FBXO27: variants seen among roughly 807,000 people sequenced by gnomAD.
The protein encoded by FBXO27 is F-box only protein 27.
Under a neutral mutation model 28.3 loss-of-function variants are expected in FBXO27, and 28 were observed. The observed-to-expected ratio is 0.99, with a 90% CI of 0.73 to 1.36. The LOEUF is 1.36. FBXO27 is among the 40% of genes most tolerant of loss of function. The pLI is 0.00. For synonymous variants in FBXO27, 175 were observed against 167.3 expected, an observed-to-expected ratio of 1.05 and a Z score of -0.36; for missense variants, 388 against 394.1, an observed-to-expected ratio of 0.98 and a Z score of 0.13.
At chr19:39,013,123 A>T (rs1278210553) in intron 2 of FBXO27, among the ~76,000 whole-genome samples, 1 of 152,128 alleles carries the variant, frequency 6.6e-6, no homozygotes, top group Admixed American at 6.6e-5. Context: ...CTGCCTTCCT[A>T]AGGTGTGTGT....
intron 2 of FBXO27, among the ~76,000 whole-genome samples, chr19:39,006,965 TG>T (rs1433542245): frequency 7.2e-6 from 1 of 139,048 alleles, no homozygotes; most frequent in Non-Finnish European, 1.5e-5. Context: ...CACAGCTCCT[TG>T]GGAGGCTGAG....
Position 39,012,723 on chromosome 19 carries a change from C to T in FBXO27, c.252+1664G>A, listed in dbSNP as rs148218923. ...CTGTAATGCTAGCACTTTGGGAGGC[C>T]GAGGAGGCCGGATCACCTGAGGTTG... On this transcript the variant is annotated intron_variant, in intron 2 of 2. Transcript: ENST00000598394. 1.2e-4 allele frequency among the ~76,000 whole-genome samples: 18 copies of T among 151,552 alleles called. No homozygotes were observed. The East Asian group carries it at 2.9e-3, about 25-fold the overall frequency.
chr19:39,021,969 A>AT (rs1413397067), downstream of FBXO27, among the ~76,000 whole-genome samples: 1 of 151,814 alleles, frequency 6.6e-6, no homozygotes, highest in East Asian at 1.9e-4. Flanking sequence ...CTATCCTCAG[A>AT]TTTTTAACAG....
rs190904926 is a variant in FBXO27, at chr19:39,025,080, G to A, written c.*331C>T. ...GTACAGAGGGGCCTGGGGCTGGATC[G>A]GAGGGTTTTGGTTGGGAGGAGAAGA... On this transcript the variant is annotated 3_prime_UTR_variant, in exon 6 of 6. Coordinates refer to ENST00000292853, the MANE Select transcript of FBXO27 (RefSeq NM_178820.5). 4.8e-4 allele frequency: 126 copies of A among 260,686 alleles called. No individual in the cohort carries two copies. Among genetic ancestry groups the A allele is most frequent in the African/African-American group, 2.3e-3 (108 of 46,060 alleles). 16.1% of individuals were successfully genotyped at this position (260,686 alleles called of 1,614,324 possible). A position where few individuals can be genotyped will look rare whatever the true frequency, so the allele number is the denominator to read the frequency against.
intron 2 of FBXO27, among the ~76,000 whole-genome samples, chr19:39,009,349 C>T (rs2144879665): frequency 6.6e-6 from 1 of 152,250 alleles, no homozygotes. Context: ...CTACGTTTAG[C>T]TTTTTGAAGA....
chr19:39,012,694 A>G (rs1330314498), intron 2 of FBXO27, among the ~76,000 whole-genome samples: 3 of 151,820 alleles, frequency 2.0e-5, no homozygotes, highest in African/African-American at 7.3e-5. Context: ...ACGATTGCTC[A>G]TGCCTGTAAT....
chr19:39,030,789 G>A, intron 4 of FBXO27: 1 of 531,474 alleles, frequency 1.9e-6, no homozygotes, highest in Non-Finnish European at 3.4e-6. Flanking sequence ...TGTATTTTTA[G>A]TAGAGACGAG....
chr19:39,031,499 C>T, intron 2 of FBXO27, 179 bp from the exon 3 acceptor site: 1 of 624,292 alleles, frequency 1.6e-6, no homozygotes, highest in South Asian at 2.0e-5. Context: ...GCTCCTCTGG[C>T]CCTTCTCACT....
chr19:39,009,566 T>C (rs2072784853), intron 2 of FBXO27, among the ~76,000 whole-genome samples: 1 of 152,222 alleles, frequency 6.6e-6, no homozygotes, highest in Non-Finnish European at 1.5e-5. Context: ...CGTCTTTTCA[T>C]GTACTTACCG....
intron 1 of FBXO27, among the ~76,000 whole-genome samples, chr19:39,018,787 A>G (rs1283475222): frequency 6.6e-6 from 1 of 152,146 alleles, no homozygotes; most frequent in Non-Finnish European, 1.5e-5. Flanking sequence ...GAAAATGCAA[A>G]GCCAGGTGTG....
intron 4 of FBXO27, among the ~76,000 whole-genome samples, chr19:39,028,000 G>A (rs1274090321): frequency 1.3e-5 from 2 of 151,954 alleles, no homozygotes; most frequent in African/African-American, 4.8e-5. Context: ...CAACACTTTG[G>A]GAGGCCGAGG....
At chr19:39,030,604 A>C (rs904721600) in intron 4 of FBXO27, 1 of 169,972 alleles carries the variant, frequency 5.9e-6, no homozygotes, top group Non-Finnish European at 1.2e-5. Flanking sequence ...CACCTCCCTG[A>C]ACTTCAGTTT....
At chr19:39,006,553 C>G (rs1342272053) in intron 2 of FBXO27, among the ~76,000 whole-genome samples, 1 of 151,934 alleles carries the variant, frequency 6.6e-6, no homozygotes, top group African/African-American at 2.4e-5. Context: ...GAGCGAAACT[C>G]CTTCTCAAAA....
At position 39,031,252 on chromosome 19, in the gene FBXO27, C is replaced by A; in HGVS notation, c.433G>T (p.Val145Leu). ...GWVVEENRTTVPGAPSQTCFV... is the reference protein window; with the variant it reads ...GWVVEENRTTLPGAPSQTCFV... ...CACGTCTGAGAAGGGGCCCCAGGCA[C>A]GGTTGTCCTGTTTTCCTCCACCACC... Residue 145 changes from valine (V) to leucine (L), a missense_variant, in exon 3 of 6, where the codon GTG becomes TTG. Val to Leu is a conservative substitution (Grantham distance 32, BLOSUM62 1). Transcript: ENST00000292853. 2.5e-6 allele frequency: 4 copies of A among 1,614,116 alleles called. No individual in the cohort carries two copies. Among genetic ancestry groups the A allele is most frequent in the Non-Finnish European group, 3.4e-6 (4 of 1,180,026 alleles).
intron 1 of FBXO27, among the ~76,000 whole-genome samples, chr19:39,019,004 G>A (rs1289866979): frequency 6.6e-6 from 1 of 151,000 alleles, no homozygotes; most frequent in East Asian, 1.9e-4. Flanking sequence ...GGGAGGCAGA[G>A]GTTGCAGTGA....
chr19:39,025,392 C>G lies in FBXO27; in HGVS notation c.*19G>C, dbSNP rs374996305. On this transcript the variant is annotated 3_prime_UTR_variant, in exon 6 of 6. Transcript: ENST00000292853. ...TGGAAGGCACAGTCAGGCTGTCTTG[C>G]AAGAAGGGTAGTGCTGGACTAGGAC... 1 of 1,605,258 alleles carries G rather than the reference C, an allele frequency of 6.2e-7. No homozygotes were observed. Among genetic ancestry groups the G allele is most frequent in the East Asian group, 2.2e-5 (1 of 44,640 alleles).
At chr19:39,016,398 G>A (rs566302117) in intron 1 of FBXO27, among the ~76,000 whole-genome samples, 4 of 151,722 alleles carry the variant, frequency 2.6e-5, no homozygotes, top group Non-Finnish European at 4.4e-5. Context: ...GGGGGAAACG[G>A]GATATAGGAG....
At chr19:39,030,575 G>A (rs1021628955) in intron 4 of FBXO27, 20 of 185,316 alleles carry the variant, frequency 1.1e-4, no homozygotes, top group Admixed American at 3.3e-4. Context: ...TACTAGAACT[G>A]TGAGTGTGTT....
chr19:39,013,814 C>A (rs915627224), intron 2 of FBXO27, among the ~76,000 whole-genome samples: 1 of 151,684 alleles, frequency 6.6e-6, no homozygotes, highest in East Asian at 1.9e-4. Context: ...GAGATCGAGA[C>A]CATCCTGGCT....
Sources: gnomAD v4.1 joint callset for allele counts (sites outside exome capture counted in the v4.1 genomes callset) on GRCh38, gnomAD v4.1.1 for gene constraint, MANE v1.5 for transcripts, NCBI Gene and HGNC (gene_info 2026-07-23, HGNC 2026-07-21) for gene names.